KCTD1: variants seen among roughly 807,000 people sequenced by gnomAD.
KCTD1 encodes the protein potassium channel tetramerization domain containing 1, also known as BTB/POZ domain-containing protein KCTD1.
In KCTD1, 24 loss-of-function variants were observed where a neutral mutation model predicts 66.0. The ratio of observed to expected loss-of-function variants is 0.36; its 90% CI spans 0.26 to 0.51. The LOEUF (loss-of-function observed/expected upper bound fraction) is 0.51, where lower values mean the gene tolerates loss of function less well. Among genes scored for constraint, KCTD1 ranks in the 20% least tolerant of loss-of-function variants. The pLI is 0.95. For synonymous variants in KCTD1, 511 were observed against 517.2 expected (o/e 0.99, Z 0.16); for missense variants, 943 against 1,205.2 (o/e 0.78, Z 3.22).
intron 1 of KCTD1, among the ~76,000 whole-genome samples, chr18:26,533,584 C>G (rs1197504171): frequency 1.3e-5 from 2 of 152,144 alleles, no homozygotes; most frequent in Non-Finnish European, 2.9e-5. Flanking sequence ...ACTGCAACCT[C>G]CACCTCCCAG....
At chr18:26,603,237 C>G (rs955452718) in intron 1 of KCTD1, among the ~76,000 whole-genome samples, 35 of 151,892 alleles carry the variant, frequency 2.3e-4, no homozygotes, top group Admixed American at 2.3e-3. Context: ...TGAGATCAGC[C>G]TGGGCAACAT....
chr18:26,485,540 G>A (rs1981870705), intron 2 of KCTD1, among the ~76,000 whole-genome samples: 1 of 152,212 alleles, frequency 6.6e-6, no homozygotes, highest in Non-Finnish European at 1.5e-5. Flanking sequence ...TCTGACTTGA[G>A]TGTTTGTTTA....
At chr18:26,537,772 C>G (rs2144799425) in intron 1 of KCTD1, among the ~76,000 whole-genome samples, 1 of 152,204 alleles carries the variant, frequency 6.6e-6, no homozygotes, top group South Asian at 2.1e-4. Flanking sequence ...TTTAGGAATC[C>G]TAGTATAATG....
intron 2 of KCTD1, among the ~76,000 whole-genome samples, chr18:26,478,512 G>T (rs1296797381): frequency 6.6e-6 from 1 of 152,214 alleles, no homozygotes; most frequent in Non-Finnish European, 1.5e-5. Context: ...GTCAGTATCA[G>T]TGATCTTGTC....
intron 1 of KCTD1, among the ~76,000 whole-genome samples, chr18:26,555,004 G>A (rs974649509): frequency 6.6e-6 from 1 of 152,192 alleles, no homozygotes; most frequent in African/African-American, 2.4e-5. Flanking sequence ...AGGTATGTGG[G>A]ATTAAAGTGG....
chr18:26,639,832 G>A (rs1423527872), intron 1 of KCTD1, among the ~76,000 whole-genome samples: 1 of 152,130 alleles, frequency 6.6e-6, no homozygotes, highest in Non-Finnish European at 1.5e-5. Flanking sequence ...CCAGATAATC[G>A]GGCTCCAGCA....
chr18:26,487,883 C>T (rs1981995752), intron 2 of KCTD1, among the ~76,000 whole-genome samples: 1 of 152,164 alleles, frequency 6.6e-6, no homozygotes, highest in Non-Finnish European at 1.5e-5. Context: ...TAAAAGTTTC[C>T]CAGCTAAGAA....
At chr18:26,619,118 A>G (rs1987318732) in intron 1 of KCTD1, among the ~76,000 whole-genome samples, 2 of 152,330 alleles carry the variant, frequency 1.3e-5, no homozygotes, top group Admixed American at 6.5e-5. Context: ...TTTAGCTTAG[A>G]TATATGTTGT....
At position 26,582,382 on chromosome 18, in the gene KCTD1, A is replaced by C. The variant is rs186970778; in HGVS notation, c.-16+46765T>G. 3.1e-3 allele frequency among the ~76,000 whole-genome samples: 476 copies of C among 152,348 alleles called. 4 individuals are homozygous for C. The highest frequency in any genetic ancestry group is 0.011 in the African/African-American group (448 of 41,580). On this transcript the variant is annotated intron_variant, in intron 1 of 4. Transcript: ENST00000317932. ...CCAAGTTCACTCATAAGAGAAAAGC[A>C]AATTAAACTAAATGAGTTATTGTTT... is the stretch of plus-strand genomic sequence containing the variant.
upstream of KCTD1, among the ~76,000 whole-genome samples, chr18:26,632,339 T>C (rs961753283): frequency 2.0e-5 from 3 of 151,910 alleles, no homozygotes; most frequent in East Asian, 1.9e-4. Context: ...CAAGCCAAGA[T>C]TGCACCACTG....
intron 4 of KCTD1, 192 bp downstream of exon 4, chr18:26,459,428 C>T: frequency 1.7e-6 from 1 of 578,652 alleles, no homozygotes; most frequent in Admixed American, 3.5e-5. Context: ...CTCCAGTGCT[C>T]ATCCCAGCAC....
intron 1 of KCTD1, among the ~76,000 whole-genome samples, chr18:26,530,078 T>G (rs1437673380): frequency 6.6e-6 from 1 of 152,164 alleles, no homozygotes; most frequent in African/African-American, 2.4e-5. Context: ...GGAATGGAAA[T>G]GGAAGACTAG....
At chr18:26,561,920 C>A (rs1022165560) in intron 1 of KCTD1, among the ~76,000 whole-genome samples, 6 of 152,158 alleles carry the variant, frequency 3.9e-5, no homozygotes, top group Admixed American at 3.3e-4. Flanking sequence ...CCAGACCCAC[C>A]GTCTAGTCTG....
intron 1 of KCTD1, among the ~76,000 whole-genome samples, chr18:26,501,633 T>C (rs1982768378): frequency 6.6e-6 from 1 of 152,210 alleles, no homozygotes; most frequent in African/African-American, 2.4e-5. Flanking sequence ...CTAAATAAAA[T>C]GCGTATGAGT....
chr18:26,473,173 T>C (rs1981160070), intron 3 of KCTD1, among the ~76,000 whole-genome samples: 1 of 152,138 alleles, frequency 6.6e-6, no homozygotes, highest in African/African-American at 2.4e-5. Context: ...AAAATTATCT[T>C]GGAAAAGCCT....
In KCTD1 at chr18:26,547,738, T is replaced by C; in HGVS notation, c.799A>G (p.Ile267Val). ...GCGCCCTGCTCCTCGAGCTTGCGGA[T>C]GACCGCGGCCAGCGTCAGGTTGGCG... The part of the protein sequence containing the change: ...RSANLTLAAV[I>V]RKLEEQGAGP... The change falls in exon 1 of 5, where the codon ATC (isoleucine) becomes GTC (valine). Residue 267 changes from isoleucine (I) to valine (V), a missense_variant. Around this residue, in one of 10 missense-constraint regions of KCTD1, gnomAD observed 61 missense variants for 109.6 expected, o/e 0.56. Transcript: ENST00000580059. 7.1e-6 allele frequency: 11 copies of C among 1,546,176 alleles called. No homozygotes were observed. Among genetic ancestry groups the C allele is most frequent in the Non-Finnish European group, 9.6e-6 (11 of 1,146,692 alleles).
intron 1 of KCTD1, among the ~76,000 whole-genome samples, chr18:26,593,363 GGAGGAGGAGGAA>G (rs796890192): frequency 0.17 from 18,950 of 108,952 alleles, 1,511 homozygotes; most frequent in African/African-American, 0.26. Context: ...AGGAGGAAGA[GGAGGAGGAGGAA>G]GAGGAGGAGG....
intron 1 of KCTD1, among the ~76,000 whole-genome samples, chr18:26,619,552 G>T (rs190149065): frequency 6.6e-6 from 1 of 152,226 alleles, no homozygotes; most frequent in East Asian, 1.9e-4. Flanking sequence ...TTTTGTGTAG[G>T]CTTCCATAGC....
chr18:26,504,475 T>C (rs1982928503), intron 1 of KCTD1, among the ~76,000 whole-genome samples: 1 of 152,168 alleles, frequency 6.6e-6, no homozygotes, highest in South Asian at 2.1e-4. Context: ...AAAGTGATCC[T>C]CCTGCCTCGG....
Sources: gnomAD v4.1 joint callset for allele counts (sites outside exome capture counted in the v4.1 genomes callset) on GRCh38, gnomAD v4.1.1 for gene constraint, gnomAD v4.1.1 regional missense constraint, MANE v1.5 for transcripts, NCBI Gene and HGNC (gene_info 2026-07-23, HGNC 2026-07-21) for gene names.